THY1: variants seen among roughly 807,000 people sequenced by gnomAD.
THY1 encodes the protein thy-1 membrane glycoprotein.
THY1 carries 10 observed loss-of-function variants against 14.9 expected under a neutral mutation model. The ratio of observed to expected loss-of-function variants is 0.67; its 90% CI spans 0.41 to 1.14. THY1 has a LOEUF of 1.14. Ranked by LOEUF, THY1 falls within the 50% of genes most tolerant of loss-of-function variation. The pLI is 0.00. For synonymous variants in THY1, 80 were observed against 90.0 expected, an observed-to-expected ratio of 0.89 and a Z score of 0.63; for missense variants, 159 against 202.1, an observed-to-expected ratio of 0.79 and a Z score of 1.29.
rs1483777774 is a variant in THY1, at chr11:119,417,006, A to C, written c.*2402T>G. On this transcript the variant is annotated 3_prime_UTR_variant, in exon 4 of 4. Coordinates refer to ENST00000284240, the MANE Select transcript of THY1 (RefSeq NM_006288.5). ...AAAGACCCCATAGGAAGTGTCACAC[A>C]GGTGCGAGGCTTCACACAGTGCCGC... 6.6e-6 allele frequency among the ~76,000 whole-genome samples: 1 copy of C among 152,220 alleles called. No homozygotes were observed. Among genetic ancestry groups the C allele is most frequent in the Non-Finnish European group, 1.5e-5 (1 of 68,036 alleles).
In THY1 at chr11:119,423,052, T is replaced by A. The variant is rs189792435; in HGVS notation, c.-25+61A>T. 1.2e-3 allele frequency: 556 copies of A among 455,930 alleles called. 3 individuals carry two copies. The highest frequency in any genetic ancestry group is 0.01 in the African/African-American group (526 of 50,138). 28.2% of individuals were successfully genotyped at this position (455,930 alleles called of 1,614,324 possible). On this transcript the variant is annotated intron_variant, in intron 1 of 3. Coordinates refer to ENST00000284240, the MANE Select transcript of THY1 (RefSeq NM_006288.5). ...TGGCCCGAAGCCTAGTGTTGGGAAG[T>A]CTTGCATGGGCGCCTGACGGCGGTC... is the stretch of plus-strand genomic sequence containing the variant.
intron 1 of THY1, 108 bp downstream of exon 1, chr11:119,423,005 T>C: frequency 2.2e-6 from 1 of 455,436 alleles, no homozygotes; most frequent in South Asian, 1.6e-5. Context: ...TGCGCCCTTC[T>C]TCCCTGGGCG....
At chr11:119,423,322 A>T (rs911575046), upstream of THY1, 1 of 393,418 alleles carries the variant, frequency 2.5e-6, no homozygotes, top group African/African-American at 2.1e-5. Flanking sequence ...GCGGTCCCGC[A>T]TTGGTGTGAG....
upstream of THY1, chr11:119,423,759 C>G (rs1428190047): frequency 6.5e-6 from 1 of 154,748 alleles, no homozygotes; most frequent in African/African-American, 2.4e-5. Flanking sequence ...CCATTTCGCC[C>G]CCTCATCTAT....
chr11:119,424,498 G>A (rs1471584825), upstream of THY1, among the ~76,000 whole-genome samples: 1 of 152,152 alleles, frequency 6.6e-6, no homozygotes, highest in Non-Finnish European at 1.5e-5. Flanking sequence ...GCCACTGTTG[G>A]AAGCTTGCAA....
rs141958103 is a variant in THY1 at position 119,416,025 on chromosome 11, C to T, written c.*3383G>A. ...GGGATGTGTGTCACAGGTCCCCGGACGCTGTGTAGATTTCTTGGTTGGCCA... is the reference window on the plus strand; with the variant it reads ...GGGATGTGTGTCACAGGTCCCCGGATGCTGTGTAGATTTCTTGGTTGGCCA... On this transcript the variant is annotated 3_prime_UTR_variant, in exon 4 of 4. Transcript: ENST00000284240. 2.5e-3 allele frequency among the ~76,000 whole-genome samples: 386 copies of T among 152,294 alleles called. 1 individual carries two copies. Among genetic ancestry groups the T allele is most frequent in the African/African-American group, 8.4e-3 (351 of 41,572 alleles).
At chr11:119,420,490 T>C in intron 2 of THY1, 104 bp from the exon 3 acceptor site, 1 of 1,155,354 alleles carries the variant, frequency 8.7e-7, no homozygotes. Flanking sequence ...GGGACCGGGG[T>C]CTGCTCTCTG....
Position 119,420,546 on chromosome 11 carries a change from C to G in THY1, c.38-160G>C, listed in dbSNP as rs535098225. ...GGATCCCACTTCTCCTTTGCAGACC[C>G]CAGCCTCCCTCCCCACTCTGCTTGA... is the stretch of plus-strand genomic sequence containing the variant. On this transcript the variant is annotated intron_variant, in intron 2 of 3. Transcript: ENST00000284240. The G allele has an allele frequency of 2.0e-5, 14 of 702,998 alleles. No individual in the cohort carries two copies. In the East Asian group the frequency reaches 3.8e-4, roughly 19 times the overall value. The allele number at this position is 702,998 out of a possible 1,614,324, so 43.5% of individuals were successfully genotyped here. A position where few individuals can be genotyped will look rare whatever the true frequency, so the allele number is the denominator to read the frequency against.
chr11:119,415,710 G>T lies in THY1; in HGVS notation c.*3698C>A, dbSNP rs559978841. On this transcript the variant is annotated 3_prime_UTR_variant, in exon 4 of 4. Coordinates refer to ENST00000284240, the MANE Select transcript of THY1 (RefSeq NM_006288.5). ...ACTGACCCCAGCTCTTCCTTGTGCC[G>T]GGCAAAGATGCCTCCTGTGGGTCTG... Among the ~76,000 whole-genome samples the T allele has an allele frequency of 6.6e-6, 1 of 152,104 alleles. No homozygotes were observed. The highest frequency in any genetic ancestry group is 2.4e-5 in the African/African-American group (1 of 41,422).
chr11:119,419,438 G>A lies in THY1; in HGVS notation c.456C>T (p.Leu152=), dbSNP rs1178392674. 1 of 1,614,080 alleles carries A rather than the reference G, an allele frequency of 6.2e-7. No individual in the cohort carries two copies. The highest frequency in any genetic ancestry group is 2.2e-5 in the East Asian group (1 of 44,864). ...WLLLLLLSLS[L]LQATDFMSL is the part of the protein sequence containing the mutation. The stretch of plus-strand genomic sequence containing the variant: ...GGGACATGAAATCCGTGGCCTGGAG[G>A]AGGGAGAGGGAGAGCAGGAGCAGCA... Residue 152 remains leucine, a synonymous_variant, in exon 4 of 4, where the codon CTC becomes CTT. Coordinates refer to ENST00000284240, the MANE Select transcript of THY1 (RefSeq NM_006288.5).
At chr11:119,423,193 A>T (rs1479387478), upstream of THY1, 4 of 450,470 alleles carry the variant, frequency 8.9e-6, no homozygotes, top group African/African-American at 8.2e-5. Context: ...CGGAGCCCGC[A>T]GTTTTCACCG....
Position 119,418,971 on chromosome 11 carries a change from AGGC to A in THY1, c.*434_*436del. The A allele has an allele frequency of 1.6e-5, 5 of 304,254 alleles. No homozygotes were observed. Among genetic ancestry groups the A allele is most frequent in the Admixed American group, 4.3e-5 (1 of 23,310 alleles). The allele number at this position is 304,254 out of a possible 1,614,324, so 18.8% of individuals were successfully genotyped here. On this transcript the variant is annotated 3_prime_UTR_variant, in exon 4 of 4. Coordinates refer to ENST00000284240, the MANE Select transcript of THY1 (RefSeq NM_006288.5). Reference sequence around the variant, plus strand: ...GACAGACCATGTCCGTGCTAGGCCCAGGCACAGCCCAACCACTCCTCATCCAAG... The same window carrying A: ...GACAGACCATGTCCGTGCTAGGCCCAACAGCCCAACCACTCCTCATCCAAG...
intron 1 of THY1, 55 bp from the exon 2 acceptor site, chr11:119,420,984 G>A (rs946378194): frequency 7.7e-6 from 12 of 1,555,778 alleles, no homozygotes; most frequent in Non-Finnish European, 1.1e-5. Flanking sequence ...TACCACCAGG[G>A]CTGGGGGTCC....
rs780127455 is a variant in THY1 at position 119,420,939 on chromosome 11, G to A, written c.-24-10C>T. The A allele has an allele frequency of 2.5e-6, 4 of 1,613,850 alleles. No individual in the cohort carries two copies. In the African/African-American group the frequency reaches 5.3e-5, roughly 22 times the overall value. ...GATCTCAGTCCTGGATCTGGGGTGG[G>A]AACAGGATGGGAATCAGCCAAGCTG... On this transcript the variant is annotated splice_polypyrimidine_tract_variant and intron_variant, in intron 1 of 3. Coordinates refer to ENST00000284240, the MANE Select transcript of THY1 (RefSeq NM_006288.5).
In THY1 at chr11:119,423,087, C is replaced by G. The variant is rs527727076; in HGVS notation, c.-25+26G>C. ...GCGCCTGACGGCGGTCCCCGAGCCC[C>G]AGGTCCCACCGGCTCCAGTTCCCAC... On this transcript the variant is annotated intron_variant, in intron 1 of 3. Coordinates refer to ENST00000284240, the MANE Select transcript of THY1 (RefSeq NM_006288.5). 6.6e-6 allele frequency: 3 copies of G among 456,122 alleles called. No individual in the cohort carries two copies. In the East Asian group the frequency reaches 2.1e-4, roughly 32 times the overall value. The allele number at this position is 456,122 out of a possible 1,614,324, so 28.3% of individuals were successfully genotyped here. A position where few individuals can be genotyped will look rare whatever the true frequency, so the allele number is the denominator to read the frequency against.
Position 119,422,694 on chromosome 11 carries a change from G to T in THY1, c.-25+419C>A. On this transcript the variant is annotated intron_variant, in intron 1 of 3. Coordinates refer to ENST00000284240, the MANE Select transcript of THY1 (RefSeq NM_006288.5). This position sits in a 1 kb window ranked among gnomAD's most constrained non-coding sequence, Gnocchi z 7.0. ...GTGCCCCGCACCCAGCCCGCCGCGA[G>T]GTCACCCGGCAGATTCCCTCTAGCT... 4.6e-6 allele frequency: 1 copy of T among 215,318 alleles called. No homozygotes were observed. The highest frequency in any genetic ancestry group is 9.4e-6 in the Non-Finnish European group (1 of 106,710). The allele number at this position is 215,318 out of a possible 1,614,324, so 13.3% of individuals were successfully genotyped here.
Position 119,415,559 on chromosome 11 carries a change from C to T in THY1, c.*3849G>A, listed in dbSNP as rs1448316623. Among the ~76,000 whole-genome samples the T allele has an allele frequency of 6.6e-6, 1 of 152,250 alleles. No homozygotes were observed. Among genetic ancestry groups the T allele is most frequent in the Non-Finnish European group, 1.5e-5 (1 of 68,040 alleles). On this transcript the variant is annotated 3_prime_UTR_variant, in exon 4 of 4. Transcript: ENST00000284240. Reference sequence around the variant, plus strand: ...CCACGCCACTGCCAGGCACTCCCCGCCTGCACTGCTGGGCACCTCCAGCCA... The same window carrying T: ...CCACGCCACTGCCAGGCACTCCCCGTCTGCACTGCTGGGCACCTCCAGCCA...
chr11:119,421,728 C>CCATA (rs1351058107), intron 1 of THY1: 1 of 152,206 alleles, frequency 6.6e-6, no homozygotes, highest in Non-Finnish European at 1.5e-5. Flanking sequence ...ATACCATTCA[C>CCATA]CATAGCTAAG....
At chr11:119,420,766 C>G in intron 2 of THY1, 103 bp downstream of exon 2, 1 of 1,427,134 alleles carries the variant, frequency 7.0e-7, no homozygotes, top group Non-Finnish European at 9.8e-7. Context: ...AGAGCCCTCT[C>G]TTTGTCACCT....
Sources: gnomAD v4.1 joint callset for allele counts (sites outside exome capture counted in the v4.1 genomes callset) on GRCh38, gnomAD v4.1.1 for gene constraint, Gnocchi (gnomAD v3.1) non-coding constraint, MANE v1.5 for transcripts, NCBI Gene and HGNC (gene_info 2026-07-23, HGNC 2026-07-21) for gene names.